Variants in ZDHHC20 observed in about 807,000 individuals in gnomAD.
ZDHHC20 encodes the protein palmitoyltransferase ZDHHC20.
A neutral mutation model predicts 57.8 loss-of-function variants in ZDHHC20; 43 were observed. The observed-to-expected ratio is 0.74, with a 90% CI of 0.58 to 0.96. The LOEUF (loss-of-function observed/expected upper bound fraction) is 0.96, where lower values mean the gene tolerates loss of function less well. ZDHHC20 is among the 40% of genes least tolerant of loss of function. The probability of loss-of-function intolerance (pLI) is 0.00; values close to 1 mark genes in which losing one functional copy is unlikely to be tolerated. For synonymous variants in ZDHHC20, 157 were observed against 153.0 expected (o/e 1.03, Z -0.19); for missense variants, 391 against 441.1 (o/e 0.89, Z 1.02).
intron 4 of ZDHHC20, among the ~76,000 whole-genome samples, chr13:21,406,713 C>T (rs1390701933): frequency 6.6e-6 from 1 of 152,148 alleles, no homozygotes; most frequent in Non-Finnish European, 1.5e-5. Flanking sequence ...AGGACATGAA[C>T]TCATTCTTTT....
intron 1 of ZDHHC20, among the ~76,000 whole-genome samples, chr13:21,431,176 G>A (rs1421255410): frequency 6.6e-6 from 1 of 152,210 alleles, no homozygotes; most frequent in Non-Finnish European, 1.5e-5. Context: ...AAGAAAAAGA[G>A]GTTTAATTGG....
intron 1 of ZDHHC20, among the ~76,000 whole-genome samples, chr13:21,440,787 A>G (rs1883069470): frequency 6.6e-6 from 1 of 152,038 alleles, no homozygotes; most frequent in South Asian, 2.1e-4. Context: ...TTGATGTGCT[A>G]TTTTTACAAT....
At chr13:21,456,572 G>C (rs1039358499) in intron 1 of ZDHHC20, among the ~76,000 whole-genome samples, 10 of 152,032 alleles carry the variant, frequency 6.6e-5, no homozygotes, top group African/African-American at 2.2e-4. Context: ...ATACATACAA[G>C]TAGTTTAAAG....
intron 1 of ZDHHC20, among the ~76,000 whole-genome samples, chr13:21,426,628 C>T (rs1251293805): frequency 3.0e-4 from 39 of 130,666 alleles, no homozygotes; most frequent in African/African-American, 9.8e-4. Flanking sequence ...TTTTTTGAGA[C>T]AGGGTCTAGC....
chr13:21,416,755 G>A (rs1320892755), intron 3 of ZDHHC20, among the ~76,000 whole-genome samples: 2 of 152,090 alleles, frequency 1.3e-5, no homozygotes, highest in South Asian at 2.1e-4. Context: ...CTTGGCAAAG[G>A]GAACAGCATA....
chr13:21,444,053 G>A (rs892599782), intron 1 of ZDHHC20, among the ~76,000 whole-genome samples: 1 of 152,170 alleles, frequency 6.6e-6, no homozygotes, highest in African/African-American at 2.4e-5. Flanking sequence ...CTACTTGGGA[G>A]GCTGAGGCAG....
In ZDHHC20 at chr13:21,413,748, C is replaced by T. The variant is rs764584496; in HGVS notation, c.274G>A (p.Glu92Lys). The change falls in exon 4 of 13, where the codon GAA becomes AAA. Residue 92 changes from glutamate to lysine, a missense_variant. Physicochemically the swap from Glu to Lys is moderately conservative, Grantham distance 56 (BLOSUM62 1). Transcript: ENST00000400590. The stretch of plus-strand genomic sequence containing the variant: ...TGGCTGAATTCTTTTTCATAACGTT[C>T]CTTTTCAGAATTGGACAAGTAGAAC... ...KEFYLSNSEK[E>K]RYEKEFSQER... 1 of 1,610,398 alleles carries T rather than the reference C, an allele frequency of 6.2e-7. No homozygotes were observed. The highest frequency in any genetic ancestry group is 8.5e-7 in the Non-Finnish European group (1 of 1,178,320).
chr13:21,421,264 T>C (rs1880620063), intron 2 of ZDHHC20, 100 bp from the exon 3 acceptor site: 3 of 807,350 alleles, frequency 3.7e-6, no homozygotes, highest in Non-Finnish European at 6.1e-6. Flanking sequence ...CCGAATCCAA[T>C]AAACAATTAA....
chr13:21,458,892 A>T (rs1885148232), intron 1 of ZDHHC20, among the ~76,000 whole-genome samples, 162 bp downstream of exon 1: 1 of 152,090 alleles, frequency 6.6e-6, no homozygotes, highest in Non-Finnish European at 1.5e-5. Flanking sequence ...GATTGAACAA[A>T]GCGGCGGGTG....
chr13:21,434,939 T>C (rs1882391586), intron 1 of ZDHHC20, among the ~76,000 whole-genome samples: 2 of 152,254 alleles, frequency 1.3e-5, no homozygotes, highest in Admixed American at 1.3e-4. Flanking sequence ...TGGAAGTTTA[T>C]CTTCAGTGTA....
At chr13:21,406,028 T>G (rs1007966589) in intron 4 of ZDHHC20, among the ~76,000 whole-genome samples, 3 of 152,044 alleles carry the variant, frequency 2.0e-5, no homozygotes, top group Non-Finnish European at 2.9e-5. Flanking sequence ...AAGGACTGAG[T>G]GGTTAAGATT....
intron 12 of ZDHHC20, chr13:21,377,885 A>G (rs1476000006): frequency 6.6e-6 from 1 of 152,332 alleles, no homozygotes. Flanking sequence ...GATAAGCTCC[A>G]TGTTTGTGGT....
chr13:21,433,368 A>G (rs1033188225), intron 1 of ZDHHC20, among the ~76,000 whole-genome samples: 6 of 152,204 alleles, frequency 3.9e-5, no homozygotes, highest in African/African-American at 1.2e-4. Flanking sequence ...CTGTAATCCC[A>G]GCACTTTGGG....
intron 3 of ZDHHC20, among the ~76,000 whole-genome samples, chr13:21,415,679 TAGAA>T (rs1465018900): frequency 6.6e-6 from 1 of 152,242 alleles, no homozygotes; most frequent in Admixed American, 6.5e-5. Flanking sequence ...TTTAACTTGT[TAGAA>T]AGTTATTTCC....
chr13:21,453,062 T>C (rs967458671), intron 1 of ZDHHC20, among the ~76,000 whole-genome samples: 1 of 152,162 alleles, frequency 6.6e-6, no homozygotes, highest in African/African-American at 2.4e-5. Flanking sequence ...GACCCAAATA[T>C]ATGCTCTTTA....
At chr13:21,391,689 C>T (rs1875746370) in intron 8 of ZDHHC20, 33 bp downstream of exon 8, 1 of 1,575,660 alleles carries the variant, frequency 6.3e-7, no homozygotes, top group Non-Finnish European at 8.6e-7. Flanking sequence ...GGTCATTGTC[C>T]TAAGTAATTA....
chr13:21,445,065 TAC>T (rs1289508674), intron 1 of ZDHHC20, among the ~76,000 whole-genome samples: 5 of 151,602 alleles, frequency 3.3e-5, no homozygotes, highest in Non-Finnish European at 5.9e-5. Context: ...TCAAAACACA[TAC>T]ACACACACAC....
chr13:21,448,377 GC>G (rs1422785548), intron 1 of ZDHHC20, among the ~76,000 whole-genome samples: 1 of 102,742 alleles, frequency 9.7e-6, no homozygotes, highest in Non-Finnish European at 2.3e-5. Flanking sequence ...TGGGGGGTCA[GC>G]CCCCCGCCCG....
chr13:21,381,977 G>A (rs370038476), intron 10 of ZDHHC20: 7 of 512,512 alleles, frequency 1.4e-5, no homozygotes, highest in African/African-American at 3.9e-5. Context: ...GTGATTTAGC[G>A]TAGACTTATT....
Sources: allele counts gnomAD v4.1 joint callset (sites outside exome capture counted in the v4.1 genomes callset), GRCh38; gene constraint gnomAD v4.1.1; transcripts MANE v1.5; gene names NCBI Gene and HGNC (gene_info 2026-07-23, HGNC 2026-07-21).